Variants in DAAM2 observed in about 807,000 individuals in gnomAD.
The protein encoded by DAAM2 is disheveled-associated activator of morphogenesis 2.
Under a neutral mutation model 120.7 loss-of-function variants are expected in DAAM2, and 39 were observed. The observed-to-expected ratio is 0.32, with a 90% CI of 0.25 to 0.42. DAAM2 has a LOEUF of 0.42. Among genes scored for constraint, DAAM2 ranks in the 10% least tolerant of loss-of-function variants. The pLI, the probability that DAAM2 is intolerant of heterozygous loss-of-function variation, is 1.00. For missense variants in DAAM2, 1,283 were observed against 1,401.7 expected (o/e 0.92, Z 1.35); for synonymous variants, 488 against 524.9 (o/e 0.93, Z 0.96).
intron 7 of DAAM2, among the ~76,000 whole-genome samples, chr6:39,869,448 G>T (rs1393968546): frequency 3.3e-5 from 5 of 152,140 alleles, no homozygotes; most frequent in Non-Finnish European, 7.3e-5. Flanking sequence ...TTAGCCAAGT[G>T]TGGTGGTGGG....
chr6:39,831,190 C>T (rs1296834141), intron 1 of DAAM2, among the ~76,000 whole-genome samples: 1 of 152,110 alleles, frequency 6.6e-6, no homozygotes, highest in Non-Finnish European at 1.5e-5. Context: ...AAAAATGCCC[C>T]ATGGAATATA....
intron 9 of DAAM2, among the ~76,000 whole-genome samples, chr6:39,873,022 C>G (rs1360638026): frequency 6.6e-6 from 1 of 152,170 alleles, no homozygotes; most frequent in African/African-American, 2.4e-5. Context: ...TTATCTGACC[C>G]AAGATGCCAA....
At chr6:39,829,179 G>A (rs1216873841) in intron 1 of DAAM2, among the ~76,000 whole-genome samples, 3 of 152,212 alleles carry the variant, frequency 2.0e-5, no homozygotes, top group Admixed American at 1.3e-4. Context: ...TCTCTTCTTT[G>A]TATACTTTTG....
chr6:39,804,934 C>T (rs1013578588), intron 1 of DAAM2, among the ~76,000 whole-genome samples: 1 of 152,098 alleles, frequency 6.6e-6, no homozygotes, highest in Non-Finnish European at 1.5e-5. Context: ...TTCTGGTGAG[C>T]AAAATTCCCG....
chr6:39,850,124 C>T (rs72857168), intron 1 of DAAM2, among the ~76,000 whole-genome samples: 8,063 of 152,260 alleles, frequency 0.053, 313 homozygotes, highest in Middle Eastern at 0.12. Flanking sequence ...CCAGGGTACT[C>T]GCATACCCTT....
At chr6:39,894,345 C>G (rs1200684516) in intron 19 of DAAM2, among the ~76,000 whole-genome samples, 1 of 152,156 alleles carries the variant, frequency 6.6e-6, no homozygotes, top group African/African-American at 2.4e-5. Flanking sequence ...ATATAAATTG[C>G]CAGAAACTTT....
chr6:39,873,054 CTAGTT>C (rs1249024958), intron 9 of DAAM2, among the ~76,000 whole-genome samples, 179 bp from the exon 10 acceptor site: 1 of 152,228 alleles, frequency 6.6e-6, no homozygotes, highest in African/African-American at 2.4e-5. Context: ...CTGAGAAACT[CTAGTT>C]TATAAAATTG....
chr6:39,868,357 T>A (rs1482718627), intron 6 of DAAM2: 3 of 223,770 alleles, frequency 1.3e-5, no homozygotes, highest in African/African-American at 6.7e-5. Context: ...ATATGAAGTG[T>A]CTTAGCACAG....
rs746263836 is a variant in DAAM2 at position 39,864,997 on chromosome 6, G to A, written c.351G>A (p.Ala117=). 7.5e-6 allele frequency: 12 copies of A among 1,605,650 alleles called. No homozygotes were observed. The East Asian group carries it at 2.0e-4, about 27-fold the overall frequency. Residue 117 remains alanine, a synonymous_variant, in exon 5 of 25, where the codon GCG becomes GCA. Transcript: ENST00000274867. ...NSMAAMQSLY[A]FDEEETEMRN... is the part of the protein sequence containing the mutation. ...GCCCTCAGATGCAGAGTCTGTACGCGTTTGATGAGGAGGAGACGGAGATGA... is the reference window on the plus strand; with the variant it reads ...GCCCTCAGATGCAGAGTCTGTACGCATTTGATGAGGAGGAGACGGAGATGA...
At chr6:39,833,527 C>A (rs141075413) in intron 1 of DAAM2, among the ~76,000 whole-genome samples, 29 of 152,236 alleles carry the variant, frequency 1.9e-4, no homozygotes, top group African/African-American at 7.0e-4. Context: ...AGGCTGGTCT[C>A]GAACTCATGA....
At position 39,801,855 on chromosome 6, in the gene DAAM2, C is replaced by T. The variant is rs372745508; in HGVS notation, c.-57+9390C>T. ...CCTTGTTTCCTCCCAGACACCAAAG[C>T]CCCCTGCCTCCAAGTTCCCTTGACC... On this transcript the variant is annotated intron_variant, in intron 1 of 24. Coordinates refer to ENST00000274867, the MANE Select transcript of DAAM2 (RefSeq NM_001201427.2). Among the ~76,000 whole-genome samples the T allele has an allele frequency of 3.0e-3, 450 of 152,312 alleles. 3 individuals carry two copies. The highest frequency in any genetic ancestry group is 0.025 in the South Asian group (119 of 4,820).
intron 1 of DAAM2, among the ~76,000 whole-genome samples, chr6:39,837,214 C>T (rs1340741729): frequency 2.6e-5 from 4 of 152,272 alleles, no homozygotes; most frequent in Middle Eastern, 3.4e-3. Context: ...CTGCCTCCCC[C>T]GTCTCTCTTG....
chr6:39,830,660 C>T (rs1373748648), intron 1 of DAAM2, among the ~76,000 whole-genome samples: 6 of 152,176 alleles, frequency 3.9e-5, no homozygotes, highest in African/African-American at 1.4e-4. Flanking sequence ...GCGTGGGACC[C>T]AGGCCTGCGG....
chr6:39,820,983 C>T (rs1762470255), intron 1 of DAAM2: 1 of 152,230 alleles, frequency 6.6e-6, no homozygotes, highest in African/African-American at 2.4e-5. Context: ...AAGGGTCTTT[C>T]TGCCTCCATG....
chr6:39,884,194 C>T, intron 15 of DAAM2, 125 bp downstream of exon 15: 1 of 619,376 alleles, frequency 1.6e-6, no homozygotes, highest in Non-Finnish European at 2.9e-6. Flanking sequence ...CTCCATCTTC[C>T]CCTTCCCTTC....
In DAAM2 at chr6:39,903,974, TGCAAGACAA is replaced by T; in HGVS notation, c.*1939_*1947del. ...CATCTGCAGCCCCAAGAGCTCCCAC[TGCAAGACAA>T]GTGTTGGGGAAGATGGGAGGTTGTG... On this transcript the variant is annotated 3_prime_UTR_variant, in exon 25 of 25. Transcript: ENST00000274867. 1 of 351,298 alleles carries T rather than the reference TGCAAGACAA, an allele frequency of 2.8e-6. No individual in the cohort carries two copies. Among genetic ancestry groups the T allele is most frequent in the Non-Finnish European group, 5.6e-6 (1 of 179,792 alleles). 21.8% of individuals were successfully genotyped at this position (351,298 alleles called of 1,614,324 possible).
chr6:39,855,883 G>A (rs1354378407), intron 1 of DAAM2, among the ~76,000 whole-genome samples: 1 of 152,220 alleles, frequency 6.6e-6, no homozygotes, highest in Non-Finnish European at 1.5e-5. Context: ...TCTTACGGAA[G>A]ACAGGGAATA....
chr6:39,831,710 G>A (rs984874727), intron 1 of DAAM2, among the ~76,000 whole-genome samples: 6 of 141,826 alleles, frequency 4.2e-5, no homozygotes, highest in African/African-American at 1.3e-4. Flanking sequence ...GGGTAGGCAC[G>A]CTGAGGGACA....
intron 19 of DAAM2, among the ~76,000 whole-genome samples, chr6:39,896,493 G>A (rs529958945): frequency 2.6e-5 from 4 of 152,256 alleles, no homozygotes; most frequent in Middle Eastern, 3.4e-3. Flanking sequence ...GTGAGCCACC[G>A]CAACCGGCCT....
Sources: allele counts gnomAD v4.1 joint callset (sites outside exome capture counted in the v4.1 genomes callset), GRCh38; gene constraint gnomAD v4.1.1; transcripts MANE v1.5; gene names NCBI Gene and HGNC (gene_info 2026-07-23, HGNC 2026-07-21).